PCDH9: variants seen among roughly 807,000 people sequenced by gnomAD.
The protein encoded by PCDH9 is protocadherin 9.
PCDH9 carries 24 observed loss-of-function variants against 70.6 expected under a neutral mutation model. That is an observed-to-expected ratio of 0.34 (90% confidence interval 0.25 to 0.48). PCDH9 has a LOEUF of 0.48. Among genes scored for constraint, PCDH9 ranks in the 20% least tolerant of loss-of-function variants. PCDH9 has a pLI of 0.99. For synonymous variants in PCDH9, 562 were observed against 558.5 expected (o/e 1.01, Z -0.09); for missense variants, 1,281 against 1,503.6 (o/e 0.85, Z 2.45).
At chr13:66,932,896 T>C (rs180844942) in intron 2 of PCDH9, among the ~76,000 whole-genome samples, 1 of 151,184 alleles carries the variant, frequency 6.6e-6, no homozygotes, top group East Asian at 1.9e-4. Context: ...TAGCCAGTTG[T>C]TTAGAAAATA....
intron 2 of PCDH9, among the ~76,000 whole-genome samples, chr13:67,123,275 C>T (rs2086911812): frequency 6.6e-6 from 1 of 152,178 alleles, no homozygotes; most frequent in Non-Finnish European, 1.5e-5. Context: ...TATATGGCAG[C>T]ATATTTCCTA....
chr13:66,432,126 T>C (rs1401500992), intron 4 of PCDH9, among the ~76,000 whole-genome samples: 1 of 152,070 alleles, frequency 6.6e-6, no homozygotes, highest in African/African-American at 2.4e-5. Context: ...ACTTCTTGCT[T>C]ATTTGTTATA....
At chr13:67,225,190 G>A (rs2089824861) in intron 2 of PCDH9, 1 of 1,365,242 alleles carries the variant, frequency 7.3e-7, no homozygotes, top group Non-Finnish European at 9.5e-7. Flanking sequence ...GAAGGAAACT[G>A]AAAGGAGAAA....
intron 3 of PCDH9, among the ~76,000 whole-genome samples, chr13:66,817,127 A>G (rs1338922626): frequency 6.6e-6 from 1 of 152,194 alleles, no homozygotes; most frequent in Non-Finnish European, 1.5e-5. Flanking sequence ...GACAAAGTAT[A>G]TGGGAAGATG....
chr13:66,435,066 G>C (rs1957844466), intron 4 of PCDH9, among the ~76,000 whole-genome samples: 1 of 152,070 alleles, frequency 6.6e-6, no homozygotes, highest in South Asian at 2.1e-4. Flanking sequence ...AAATCCTAAA[G>C]GTGCAAAGGG....
intron 3 of PCDH9, among the ~76,000 whole-genome samples, chr13:66,642,045 A>G (rs1451176974): frequency 6.6e-6 from 1 of 152,166 alleles, no homozygotes; most frequent in Admixed American, 6.5e-5. Flanking sequence ...TAAAATAAAG[A>G]TACTTTTAAG....
At chr13:66,352,380 A>G (rs1956306550) in intron 4 of PCDH9, among the ~76,000 whole-genome samples, 1 of 152,122 alleles carries the variant, frequency 6.6e-6, no homozygotes, top group African/African-American at 2.4e-5. Flanking sequence ...CTGTCATAAC[A>G]AAATGCCACC....
chr13:66,625,838 A>G (rs1057506040), intron 4 of PCDH9, among the ~76,000 whole-genome samples: 1 of 151,460 alleles, frequency 6.6e-6, no homozygotes, highest in Non-Finnish European at 1.5e-5. Flanking sequence ...TTTTTTTTGT[A>G]TTTTTAGTAG....
chr13:66,373,880 T>C (rs543773803), intron 4 of PCDH9, among the ~76,000 whole-genome samples: 27 of 152,236 alleles, frequency 1.8e-4, no homozygotes, highest in African/African-American at 6.3e-4. Context: ...CTTGTAAAAG[T>C]CACTTAATGA....
chr13:66,465,317 T>C (rs979132780), intron 4 of PCDH9, among the ~76,000 whole-genome samples: 53 of 151,848 alleles, frequency 3.5e-4, no homozygotes, highest in Non-Finnish European at 2.9e-5. Flanking sequence ...TATAGAAATT[T>C]TGAGGGTCAA....
chr13:66,575,259 C>T (rs1043557829), intron 4 of PCDH9, among the ~76,000 whole-genome samples: 1 of 152,164 alleles, frequency 6.6e-6, no homozygotes, highest in South Asian at 2.1e-4. Flanking sequence ...TCCTAGCTTT[C>T]TTCTGTTTCC....
chr13:66,680,376 T>A (rs1196881492), intron 3 of PCDH9, among the ~76,000 whole-genome samples: 2 of 151,996 alleles, frequency 1.3e-5, no homozygotes, highest in Admixed American at 6.6e-5. Flanking sequence ...AATCAATCAA[T>A]CAACTATTTC....
At chr13:66,978,472 G>C (rs1015116411) in intron 2 of PCDH9, 2 of 151,808 alleles carry the variant, frequency 1.3e-5, no homozygotes, top group Non-Finnish European at 2.9e-5. Context: ...TTTCTTAAAG[G>C]TACCTATTGT....
intron 3 of PCDH9, among the ~76,000 whole-genome samples, chr13:66,873,940 C>CT (rs528441546): frequency 0.42 from 46,638 of 111,308 alleles, 8,892 homozygotes; most frequent in East Asian, 0.53. Context: ...TTCTTTCTTT[C>CT]TTTTTTTTTT....
Position 67,153,315 on chromosome 13 carries a change from G to A in PCDH9, c.3036+72090C>T, listed in dbSNP as rs566707212. Among the ~76,000 whole-genome samples, 84 of 152,080 alleles carry A rather than the reference G, an allele frequency of 5.5e-4. No homozygotes were observed. In the Middle Eastern group the frequency reaches 0.01, roughly 18 times the overall value. On this transcript the variant is annotated intron_variant, in intron 2 of 4. Coordinates refer to ENST00000377865, the MANE Select transcript of PCDH9 (RefSeq NM_203487.3). ...TAGCTGGAACTGGAACTATAGGCATGTGCCACTGCACTTGGCTGATTTGTT... is the reference window on the plus strand; with the variant it reads ...TAGCTGGAACTGGAACTATAGGCATATGCCACTGCACTTGGCTGATTTGTT...
intron 2 of PCDH9, among the ~76,000 whole-genome samples, chr13:67,135,016 T>C (rs767091725): frequency 1.1e-4 from 17 of 152,154 alleles, no homozygotes; most frequent in African/African-American, 1.9e-4. Context: ...CTTAGGATTA[T>C]CCAAATTATT....
intron 4 of PCDH9, among the ~76,000 whole-genome samples, chr13:66,437,888 G>A (rs189611640): frequency 2.0e-5 from 3 of 152,264 alleles, no homozygotes; most frequent in African/African-American, 7.2e-5. Context: ...TGGGATATTG[G>A]CAACGTTGTT....
intron 2 of PCDH9, among the ~76,000 whole-genome samples, chr13:67,087,325 G>A (rs535592492): frequency 9.9e-5 from 15 of 151,938 alleles, no homozygotes; most frequent in Non-Finnish European, 1.9e-4. Flanking sequence ...AAAAGCATTT[G>A]ATATGCTCCA....
intron 3 of PCDH9, among the ~76,000 whole-genome samples, chr13:66,877,528 C>G (rs2081839056): frequency 6.6e-6 from 1 of 152,022 alleles, no homozygotes; most frequent in South Asian, 2.1e-4. Context: ...TCACCAGATT[C>G]AGTTAAACAG....
Sources: allele counts gnomAD v4.1 joint callset (sites outside exome capture counted in the v4.1 genomes callset), GRCh38; gene constraint gnomAD v4.1.1; transcripts MANE v1.5; gene names NCBI Gene and HGNC (gene_info 2026-07-23, HGNC 2026-07-21).